The following CHD7 variants were observed in gnomAD, a reference collection of about 807,000 sequenced individuals.
CHD7 encodes the protein chromodomain helicase DNA binding protein 7.
A neutral mutation model predicts 307.3 loss-of-function variants in CHD7; 24 were observed. The ratio of observed to expected loss-of-function variants is 0.08; its 90% CI spans 0.06 to 0.11. CHD7 has a LOEUF of 0.11. Among genes scored for constraint, CHD7 ranks in the 10% least tolerant of loss-of-function variants. CHD7 has a pLI of 1.00. For missense variants in CHD7, 3,106 were observed against 3,727.1 expected, an observed-to-expected ratio of 0.83 and a Z score of 4.34; for synonymous variants, 1,363 against 1,349.9, an observed-to-expected ratio of 1.01 and a Z score of -0.21.
chr8:60,774,662 G>A lies in CHD7; in HGVS notation c.1666-6338G>A, dbSNP rs1405801549. The stretch of plus-strand genomic sequence containing the variant: ...GTTGAAAACAGAGAGACAGGAAAGG[G>A]GAGAAGGCTGGAAGGGCAGTGGTGG... On this transcript the variant is annotated intron_variant, in intron 2 of 37. Coordinates refer to ENST00000423902, the MANE Select transcript of CHD7 (RefSeq NM_017780.4). Among the ~76,000 whole-genome samples, 9 of 152,328 alleles carry A rather than the reference G, an allele frequency of 5.9e-5. No individual in the cohort carries two copies. The South Asian group carries it at 8.3e-4, about 14-fold the overall frequency.
chr8:60,773,136 G>A (rs1421159460), intron 2 of CHD7, among the ~76,000 whole-genome samples: 1 of 152,136 alleles, frequency 6.6e-6, no homozygotes, highest in African/African-American at 2.4e-5. Context: ...AAATAGGTGG[G>A]CAGGCCTGCT....
Position 60,741,759 on chromosome 8 carries a change from C to G in CHD7, c.327C>G (p.Pro109=), listed in dbSNP as rs1251905425. 6.2e-7 allele frequency: 1 copy of G among 1,613,910 alleles called. No individual in the cohort carries two copies. The highest frequency in any genetic ancestry group is 1.7e-5 in the Admixed American group (1 of 60,022). Residue 109 remains proline (P), a synonymous_variant, in exon 2 of 38, where the codon CCC becomes CCG. Coordinates refer to ENST00000423902, the MANE Select transcript of CHD7 (RefSeq NM_017780.4). ...ASPHSQYHTP[P]VPQVPHGGSG... is the part of the protein sequence containing the mutation. ...CGCACTCGCAGTATCACACCCCTCC[C>G]GTTCCTCAGGTGCCCCATGGTGGCA...
At chr8:60,684,923 G>GC (rs1171946623) in intron 1 of CHD7, among the ~76,000 whole-genome samples, 3 of 152,160 alleles carry the variant, frequency 2.0e-5, no homozygotes, top group Non-Finnish European at 4.4e-5. Context: ...ATTGGTGGTG[G>GC]CCATGGGGAT....
Position 60,853,238 on chromosome 8 carries a change from C to T in CHD7, c.6513C>T (p.Ala2171=), listed in dbSNP as rs376020564. 246 of 1,613,730 alleles carry T rather than the reference C, an allele frequency of 1.5e-4. No individual in the cohort carries two copies. The highest frequency in any genetic ancestry group is 2.0e-4 in the Non-Finnish European group (238 of 1,179,808). ...HIQDERVLEQ[A]EGKVEEPENP... ...AAGATGAGAGGGTACTGGAACAAGC[C>T]GAAGGCAAAGTGGAGGAGCCTGAAA... Residue 2171 remains alanine (A), a synonymous_variant, in exon 31 of 38, where the codon GCC becomes GCT. Transcript: ENST00000423902.
At chr8:60,744,538 G>A (rs1193277542) in intron 2 of CHD7, among the ~76,000 whole-genome samples, 1 of 108,312 alleles carries the variant, frequency 9.2e-6, no homozygotes, top group Non-Finnish European at 1.8e-5. Context: ...CTTTTTGTCA[G>A]TTCATTAAAA....
At chr8:60,696,779 G>T (rs1402554416) in intron 1 of CHD7, among the ~76,000 whole-genome samples, 1 of 151,114 alleles carries the variant, frequency 6.6e-6, no homozygotes, top group African/African-American at 2.4e-5. Context: ...CTTTTTTTAG[G>T]TACCATAATT....
intron 8 of CHD7, among the ~76,000 whole-genome samples, chr8:60,816,877 T>C (rs182566113): frequency 3.9e-5 from 6 of 152,360 alleles, no homozygotes; most frequent in Admixed American, 2.0e-4. Flanking sequence ...TTGACTTCTG[T>C]TGGGGAAAGT....
At chr8:60,700,089 C>T (rs891580212) in intron 1 of CHD7, among the ~76,000 whole-genome samples, 1 of 152,130 alleles carries the variant, frequency 6.6e-6, no homozygotes, top group African/African-American at 2.4e-5. Flanking sequence ...CTGCCCTCCT[C>T]GGCCTCCCAA....
Position 60,866,735 on chromosome 8 carries a change from C to A in CHD7, c.*802C>A, listed in dbSNP as rs1025868039. On this transcript the variant is annotated 3_prime_UTR_variant, in exon 38 of 38. Coordinates refer to ENST00000423902, the MANE Select transcript of CHD7 (RefSeq NM_017780.4). ...AAAACAGCATTACCTCAGCTCTAAA[C>A]TAGCCTTGAAGTTTACAGACATGAC... The A allele has an allele frequency of 1.9e-4, 29 of 152,752 alleles. No homozygotes were observed. The highest frequency in any genetic ancestry group is 5.8e-4 in the African/African-American group (24 of 41,556). The allele number at this position is 152,752 out of a possible 1,614,324, so 9.5% of individuals were successfully genotyped here.
intron 1 of CHD7, among the ~76,000 whole-genome samples, chr8:60,723,615 T>G (rs28653462): frequency 0.039 from 6,001 of 152,292 alleles, 207 homozygotes; most frequent in Admixed American, 0.11. Flanking sequence ...TGCCAGAAAT[T>G]ATGTAAATGA....
intron 4 of CHD7, among the ~76,000 whole-genome samples, chr8:60,799,098 A>G (rs55962183): frequency 9.4e-4 from 143 of 152,358 alleles, no homozygotes; most frequent in African/African-American, 3.2e-3. Context: ...CAAGATATAC[A>G]GTCTTTTTGT....
chr8:60,788,401 A>C (rs1003095636), intron 3 of CHD7, among the ~76,000 whole-genome samples: 3 of 152,132 alleles, frequency 2.0e-5, no homozygotes, highest in African/African-American at 7.2e-5. Flanking sequence ...TTGGCTTCCC[A>C]AAGTGCTGGG....
At position 60,816,371 on chromosome 8, in the gene CHD7, T is replaced by C; in HGVS notation, c.2499-16T>C. The stretch of plus-strand genomic sequence containing the variant: ...TATATTCTACATATTTCAAGGATAT[T>C]GTTTTGTTCTTTCAGCTCTTATCTT... On this transcript the variant is annotated splice_polypyrimidine_tract_variant and intron_variant, in intron 7 of 37. Coordinates refer to ENST00000423902, the MANE Select transcript of CHD7 (RefSeq NM_017780.4). 1 of 1,303,670 alleles carries C rather than the reference T, an allele frequency of 7.7e-7. No individual in the cohort carries two copies. Among genetic ancestry groups the C allele is most frequent in the Non-Finnish European group, 1.1e-6 (1 of 912,546 alleles). The allele number at this position is 1,303,670 out of a possible 1,614,324, so 80.8% of individuals were successfully genotyped here.
chr8:60,680,106 C>A (rs1336511749), intron 1 of CHD7, among the ~76,000 whole-genome samples: 2 of 151,728 alleles, frequency 1.3e-5, no homozygotes, highest in African/African-American at 4.8e-5. Flanking sequence ...CTCCCCCGCC[C>A]CCCAACCCGC....
intron 7 of CHD7, among the ~76,000 whole-genome samples, chr8:60,810,089 C>A (rs1473072109): frequency 6.6e-6 from 1 of 152,154 alleles, no homozygotes; most frequent in East Asian, 1.9e-4. Flanking sequence ...CCCACATTAT[C>A]CCAGATTTGG....
rs374044223 is a variant in CHD7, at chr8:60,860,941, T to C, written c.7646T>C (p.Ile2549Thr). 6.2e-6 allele frequency: 10 copies of C among 1,613,818 alleles called. No homozygotes were observed. The African/African-American group carries it at 8.0e-5, about 13-fold the overall frequency. The stretch of plus-strand genomic sequence containing the variant: ...GTGACCAAAGCTTTTGAAGAAGATA[T>C]AGAGACCCCACCAACAAGAAACATT... The part of the protein sequence containing the change: ...AEVTKAFEED[I>T]ETPPTRNIPS... Residue 2549 changes from isoleucine (I) to threonine (T), a missense_variant, in exon 35 of 38, where the codon ATA becomes ACA. Transcript: ENST00000423902.
At chr8:60,712,681 C>A (rs60155805) in intron 1 of CHD7, among the ~76,000 whole-genome samples, 16,873 of 152,156 alleles carry the variant, frequency 0.11, 1,316 homozygotes, top group East Asian at 0.3. Flanking sequence ...CTTTGGGAGG[C>A]TGAGGCGGGC....
At position 60,683,086 on chromosome 8, in the gene CHD7, A is replaced by T. The variant is rs551311919; in HGVS notation, c.-175+4004A>T. Among the ~76,000 whole-genome samples the T allele has an allele frequency of 2.6e-5, 4 of 152,334 alleles. No individual in the cohort carries two copies. The South Asian group carries it at 6.2e-4, about 24-fold the overall frequency. ...TCATGTGGGCATATTTGTGTATCTT[A>T]AAAAAATCTGTTCTTTTCATGCGAT... On this transcript the variant is annotated intron_variant, in intron 1 of 37. Transcript: ENST00000423902.
intron 21 of CHD7, 39 bp downstream of exon 21, chr8:60,842,091 A>G (rs1472146572): frequency 6.5e-7 from 1 of 1,527,870 alleles, no homozygotes; most frequent in Non-Finnish European, 8.9e-7. Flanking sequence ...ATTTTATTGT[A>G]ACAGTAGTTA....
Sources: allele counts gnomAD v4.1 joint callset (sites outside exome capture counted in the v4.1 genomes callset), GRCh38; gene constraint gnomAD v4.1.1; transcripts MANE v1.5; gene names NCBI Gene and HGNC (gene_info 2026-07-23, HGNC 2026-07-21).